The following ANGPT1 variants were observed in gnomAD, a reference collection of about 807,000 sequenced individuals.
ANGPT1 encodes the protein angiopoietin 1.
A neutral mutation model predicts 62.2 loss-of-function variants in ANGPT1; 17 were observed. The observed-to-expected ratio is 0.27, with a 90% CI of 0.19 to 0.41. ANGPT1 has a LOEUF of 0.41. ANGPT1 is among the 10% of genes least tolerant of loss of function. The probability of loss-of-function intolerance (pLI) is 1.00; values close to 1 mark genes in which losing one functional copy is unlikely to be tolerated. For missense variants in ANGPT1, 478 were observed against 594.9 expected, an observed-to-expected ratio of 0.80 and a Z score of 2.04; for synonymous variants, 199 against 198.9, an observed-to-expected ratio of 1.00 and a Z score of 0.00.
intron 4 of ANGPT1, among the ~76,000 whole-genome samples, chr8:107,321,037 G>A (rs1340972293): frequency 6.6e-6 from 1 of 152,034 alleles, no homozygotes; most frequent in Non-Finnish European, 1.5e-5. Flanking sequence ...TCTTCATTCA[G>A]AGAAAGGCTG....
chr8:107,266,031 T>C (rs941943023), intron 7 of ANGPT1, among the ~76,000 whole-genome samples: 78 of 152,168 alleles, frequency 5.1e-4, no homozygotes, highest in Non-Finnish European at 5.9e-5. Flanking sequence ...GAACTTCTGG[T>C]TCACAGTAGT....
intron 5 of ANGPT1, 116 bp downstream of exon 5, chr8:107,303,124 A>C (rs1008479554): frequency 4.9e-6 from 6 of 1,222,106 alleles, no homozygotes; most frequent in Non-Finnish European, 7.0e-6. Context: ...GGGAGAAAAA[A>C]GTTCAGGCAT....
chr8:107,255,512 C>T (rs896272822), intron 8 of ANGPT1, among the ~76,000 whole-genome samples: 8 of 152,008 alleles, frequency 5.3e-5, no homozygotes, highest in African/African-American at 1.2e-4. Flanking sequence ...ATGCTTACTT[C>T]ATCAATAAAT....
intron 1 of ANGPT1, among the ~76,000 whole-genome samples, chr8:107,483,288 T>C (rs1812733004): frequency 6.6e-6 from 1 of 152,156 alleles, no homozygotes; most frequent in African/African-American, 2.4e-5. Flanking sequence ...AATAAAAATT[T>C]CTTTTTCCTC....
chr8:107,356,283 T>C (rs1195246709), intron 1 of ANGPT1, among the ~76,000 whole-genome samples: 1 of 152,182 alleles, frequency 6.6e-6, no homozygotes, highest in African/African-American at 2.4e-5. Flanking sequence ...TGAAACACAT[T>C]GAAAACTAAC....
intron 1 of ANGPT1, among the ~76,000 whole-genome samples, chr8:107,357,603 A>C (rs1365415212): frequency 6.6e-6 from 1 of 152,142 alleles, no homozygotes; most frequent in Admixed American, 6.6e-5. Context: ...TGCAAACCAC[A>C]CTTACTTCTC....
chr8:107,417,558 T>C (rs979233877), intron 1 of ANGPT1, among the ~76,000 whole-genome samples: 1 of 152,142 alleles, frequency 6.6e-6, no homozygotes, highest in Non-Finnish European at 1.5e-5. Flanking sequence ...CCCCGTTATT[T>C]TCATTCCTGG....
intron 4 of ANGPT1, among the ~76,000 whole-genome samples, chr8:107,317,547 T>C (rs1028778492): frequency 6.6e-6 from 1 of 152,104 alleles, no homozygotes; most frequent in African/African-American, 2.4e-5. Context: ...AATTCCCAAT[T>C]ATATATTTGC....
chr8:107,408,404 G>GT (rs1817193344), intron 1 of ANGPT1, among the ~76,000 whole-genome samples: 1 of 152,136 alleles, frequency 6.6e-6, no homozygotes, highest in African/African-American at 2.4e-5. Context: ...TGCTTTTGAG[G>GT]TTTTGCTTCC....
intron 3 of ANGPT1, among the ~76,000 whole-genome samples, chr8:107,326,693 A>T (rs1815298172): frequency 6.6e-6 from 1 of 152,158 alleles, no homozygotes; most frequent in Non-Finnish European, 1.5e-5. Flanking sequence ...TTATTCTTGT[A>T]ACACACCATT....
intron 4 of ANGPT1, among the ~76,000 whole-genome samples, chr8:107,318,414 T>C (rs1815070790): frequency 6.6e-6 from 1 of 152,176 alleles, no homozygotes; most frequent in Non-Finnish European, 1.5e-5. Flanking sequence ...AATGCAAAGA[T>C]AGATTTACAG....
At chr8:107,378,042 A>T (rs1816563561) in intron 1 of ANGPT1, among the ~76,000 whole-genome samples, 1 of 152,204 alleles carries the variant, frequency 6.6e-6, no homozygotes, top group African/African-American at 2.4e-5. Flanking sequence ...CACCCACTGT[A>T]CTTCTAATTG....
At chr8:107,276,062 T>C (rs1197307046) in intron 7 of ANGPT1, among the ~76,000 whole-genome samples, 1 of 152,156 alleles carries the variant, frequency 6.6e-6, no homozygotes, top group East Asian at 1.9e-4. Context: ...GCAAAGTGAC[T>C]GTAAGAATGT....
intron 1 of ANGPT1, among the ~76,000 whole-genome samples, chr8:107,421,959 G>A (rs997261308): frequency 6.6e-6 from 1 of 151,988 alleles, no homozygotes; most frequent in African/African-American, 2.4e-5. Context: ...TGTTCCATTT[G>A]TGAACCACTG....
rs901806187 is a variant in ANGPT1 at position 107,280,578 on chromosome 8, T to C, written c.1205+4104A>G. ...TGTATCCATGTGACAAAGTTAAGTT[T>C]ATGTGTTGAGTGAGTAAGAATATAG... On this transcript the variant is annotated intron_variant, in intron 7 of 8. Coordinates refer to ENST00000517746, the MANE Select transcript of ANGPT1 (RefSeq NM_001146.5). Among the ~76,000 whole-genome samples, 5 of 152,170 alleles carry C rather than the reference T, an allele frequency of 3.3e-5. No individual in the cohort carries two copies. In the East Asian group the frequency reaches 7.7e-4, roughly 23 times the overall value.
intron 1 of ANGPT1, among the ~76,000 whole-genome samples, chr8:107,393,711 G>A (rs1407607623): frequency 6.6e-6 from 1 of 152,148 alleles, no homozygotes; most frequent in Non-Finnish European, 1.5e-5. Context: ...TTGGGAGGCT[G>A]AGACGAGAGA....
intron 1 of ANGPT1, among the ~76,000 whole-genome samples, chr8:107,388,084 A>G (rs554597137): frequency 2.6e-5 from 4 of 152,142 alleles, no homozygotes; most frequent in African/African-American, 9.7e-5. Flanking sequence ...TTTTATGAAG[A>G]AACTAATTCA....
chr8:107,400,503 A>G (rs1376918771), intron 1 of ANGPT1, among the ~76,000 whole-genome samples: 1 of 152,102 alleles, frequency 6.6e-6, no homozygotes, highest in East Asian at 1.9e-4. Context: ...GAGGAGTCCA[A>G]TCACTGCTTC....
rs1812007027 is a variant in ANGPT1, at chr8:107,459,441, A to G, written c.297+37821T>C. On this transcript the variant is annotated intron_variant, in intron 1 of 8. Transcript: ENST00000517746. ...GAGGCGGAGGTTGCAGTGAGCCAAG[A>G]TCGTGCCACTGCACTCCAGCCTGGG... Among the ~76,000 whole-genome samples the G allele has an allele frequency of 2.6e-5, 4 of 151,946 alleles. No individual in the cohort carries two copies. The South Asian group carries it at 8.3e-4, about 32-fold the overall frequency.
Sources: gnomAD v4.1 joint callset for allele counts (sites outside exome capture counted in the v4.1 genomes callset) on GRCh38, gnomAD v4.1.1 for gene constraint, MANE v1.5 for transcripts, NCBI Gene and HGNC (gene_info 2026-07-23, HGNC 2026-07-21) for gene names.